Variants in UBP1 observed in about 807,000 individuals in gnomAD.
The protein encoded by UBP1 is upstream-binding protein 1.
In UBP1, 22 loss-of-function variants were observed where a neutral mutation model predicts 76.1. The observed-to-expected ratio is 0.29, with a 90% CI of 0.21 to 0.41. The LOEUF (loss-of-function observed/expected upper bound fraction) is 0.41, where lower values mean the gene tolerates loss of function less well. Among genes scored for constraint, UBP1 ranks in the 10% least tolerant of loss-of-function variants. The pLI is 1.00. For missense variants in UBP1, 436 were observed against 668.1 expected (o/e 0.65, Z 3.83); for synonymous variants, 224 against 237.1 (o/e 0.94, Z 0.51).
At chr3:33,403,199 T>A (rs1194820422) in intron 8 of UBP1, 2 of 300,714 alleles carry the variant, frequency 6.7e-6, no homozygotes, top group African/African-American at 4.6e-5. Context: ...TTGAAGAGCT[T>A]TCTCCTCCCT....
chr3:33,398,481 C>A (rs1006470476), intron 11 of UBP1: 1 of 152,216 alleles, frequency 6.6e-6, no homozygotes, highest in African/African-American at 2.4e-5. Context: ...TTAACCCATA[C>A]AGAGAACTGG....
chr3:33,419,284 CAGG>C (rs1472694082), intron 2 of UBP1, among the ~76,000 whole-genome samples: 1 of 152,002 alleles, frequency 6.6e-6, no homozygotes, highest in East Asian at 1.9e-4. Context: ...TACTTGAGGT[CAGG>C]AGTTCAAGAC....
intron 1 of UBP1, among the ~76,000 whole-genome samples, chr3:33,427,159 T>C (rs1000721624): frequency 3.9e-5 from 6 of 152,190 alleles, no homozygotes; most frequent in Non-Finnish European, 8.8e-5. Flanking sequence ...GAGACAGGGT[T>C]TCGCCATGTA....
Position 33,389,391 on chromosome 3 carries a change from A to G in UBP1, c.*940T>C, listed in dbSNP as rs1375256901. On this transcript the variant is annotated 3_prime_UTR_variant, in exon 16 of 16. Transcript: ENST00000283629. ...AACACCTAGTCAGAAGCTATCAACA[A>G]TAATACTTTCTCCCCCTACTTGGGT... The G allele has an allele frequency of 6.8e-6, 1 of 147,314 alleles. No individual in the cohort carries two copies. The highest frequency in any genetic ancestry group is 1.5e-5 in the Non-Finnish European group (1 of 67,076). 9.1% of individuals were successfully genotyped at this position (147,314 alleles called of 1,614,324 possible).
At chr3:33,412,610 A>G in intron 4 of UBP1, 112 bp downstream of exon 4, 1 of 730,772 alleles carries the variant, frequency 1.4e-6, no homozygotes, top group Non-Finnish European at 2.3e-6. Flanking sequence ...CACAAAATCC[A>G]CAAACACCAA....
chr3:33,393,109 G>C (rs1370615754), intron 14 of UBP1: 2 of 557,476 alleles, frequency 3.6e-6, no homozygotes, highest in Non-Finnish European at 5.8e-6. Context: ...GGCTAAGCCA[G>C]TTTTCCTTGG....
intron 1 of UBP1, among the ~76,000 whole-genome samples, chr3:33,435,468 T>C (rs1172244663): frequency 6.6e-6 from 1 of 152,202 alleles, no homozygotes; most frequent in Non-Finnish European, 1.5e-5. Context: ...ACCTTATCTC[T>C]ACTAAAAATA....
chr3:33,429,673 G>A (rs570409917), intron 1 of UBP1, among the ~76,000 whole-genome samples: 30 of 152,086 alleles, frequency 2.0e-4, no homozygotes, highest in Non-Finnish European at 4.0e-4. Context: ...TCTACATGTT[G>A]GTAAATTTTA....
intron 2 of UBP1, 105 bp downstream of exon 2, chr3:33,425,481 AAAAG>A: frequency 8.4e-7 from 1 of 1,189,278 alleles, no homozygotes; most frequent in Middle Eastern, 2.9e-4. Flanking sequence ...AAATTTAAGA[AAAAG>A]AACCTAATTT....
Position 33,439,878 on chromosome 3 carries a change from G to C in UBP1, c.-30C>G. The C allele has an allele frequency of 6.2e-7, 1 of 1,607,778 alleles. No individual in the cohort carries two copies. Among genetic ancestry groups the C allele is most frequent in the Non-Finnish European group, 8.5e-7 (1 of 1,177,558 alleles). On this transcript the variant is annotated 5_prime_UTR_variant, in exon 1 of 16. Coordinates refer to ENST00000283629, the MANE Select transcript of UBP1 (RefSeq NM_014517.5). ...CGGCCTCGCCGTCGCCCCGCACACC[G>C]CGGCCTCCGCGTCCAGGGCGAAGGA...
chr3:33,397,445 T>G (rs186322715), intron 11 of UBP1: 75 of 186,044 alleles, frequency 4.0e-4, no homozygotes, highest in Middle Eastern at 2.0e-3. Context: ...ATTTAGTGAC[T>G]GGGTTGTGGC....
intron 11 of UBP1, chr3:33,398,079 G>A (rs908975516): frequency 7.2e-5 from 11 of 152,302 alleles, no homozygotes; most frequent in Non-Finnish European, 1.3e-4. Context: ...GGCTGCATGG[G>A]AGTTCATCAT....
At chr3:33,393,583 T>C in intron 13 of UBP1, 129 bp from the exon 14 acceptor site, 1 of 835,642 alleles carries the variant, frequency 1.2e-6, no homozygotes, top group Non-Finnish European at 1.7e-6. Context: ...ACATTTTAAA[T>C]GGGAATAAAC....
At chr3:33,438,861 A>G (rs2045241914) in intron 1 of UBP1, among the ~76,000 whole-genome samples, 1 of 152,218 alleles carries the variant, frequency 6.6e-6, no homozygotes, top group Non-Finnish European at 1.5e-5. Context: ...AACATCAGAC[A>G]TTTTCTAAAG....
At chr3:33,397,550 A>T (rs1031167111) in intron 11 of UBP1, 1 of 153,142 alleles carries the variant, frequency 6.5e-6, no homozygotes, top group African/African-American at 2.4e-5. Context: ...AAGGAAATGG[A>T]AGTCCAGAGT....
chr3:33,412,675 G>T, intron 4 of UBP1, 47 bp downstream of exon 4: 2 of 1,248,282 alleles, frequency 1.6e-6, no homozygotes, highest in Non-Finnish European at 2.4e-6. Flanking sequence ...ACTGGCTATA[G>T]CTAAACAATA....
intron 1 of UBP1, among the ~76,000 whole-genome samples, chr3:33,426,240 G>C (rs555845570): frequency 6.6e-6 from 1 of 151,848 alleles, no homozygotes; most frequent in South Asian, 2.1e-4. Flanking sequence ...CTGTGCCTTG[G>C]CAAGTGTTAA....
At chr3:33,420,587 C>T (rs1012521527) in intron 2 of UBP1, among the ~76,000 whole-genome samples, 10 of 150,084 alleles carry the variant, frequency 6.7e-5, no homozygotes, top group African/African-American at 2.2e-4. Context: ...CTCCTGGGTT[C>T]AAACGGTTCT....
At chr3:33,399,955 T>G (rs1322391610) in intron 11 of UBP1, among the ~76,000 whole-genome samples, 1 of 148,226 alleles carries the variant, frequency 6.7e-6, no homozygotes, top group African/African-American at 2.4e-5. Context: ...TGAGGTCACG[T>G]AAGTCTGGTA....
Sources: allele counts gnomAD v4.1 joint callset (sites outside exome capture counted in the v4.1 genomes callset), GRCh38; gene constraint gnomAD v4.1.1; transcripts MANE v1.5; gene names NCBI Gene and HGNC (gene_info 2026-07-23, HGNC 2026-07-21).